The following SLC13A2 variants were observed in gnomAD, a reference collection of about 807,000 sequenced individuals.
The protein encoded by SLC13A2 is Na(+)-coupled citrate transporter.
In SLC13A2, 40 loss-of-function variants were observed where a neutral mutation model predicts 58.5. The ratio of observed to expected loss-of-function variants is 0.68; its 90% CI spans 0.53 to 0.89. The LOEUF (loss-of-function observed/expected upper bound fraction) is 0.89, where lower values mean the gene tolerates loss of function less well. Among genes scored for constraint, SLC13A2 ranks in the 40% least tolerant of loss-of-function variants. The pLI, the probability that SLC13A2 is intolerant of heterozygous loss-of-function variation, is 0.00. For synonymous variants in SLC13A2, 341 were observed against 331.6 expected, an observed-to-expected ratio of 1.03 and a Z score of -0.31; for missense variants, 694 against 772.6, an observed-to-expected ratio of 0.90 and a Z score of 1.21.
chr17:28,491,415 C>T, intron 4 of SLC13A2, 22 bp from the exon 5 acceptor site: 3 of 1,612,172 alleles, frequency 1.9e-6, no homozygotes, highest in Non-Finnish European at 2.5e-6. Flanking sequence ...CTGCCCCCAC[C>T]TGGGCTCTCC....
chr17:28,480,717 T>C (rs2068769237), intron 1 of SLC13A2, among the ~76,000 whole-genome samples: 1 of 152,172 alleles, frequency 6.6e-6, no homozygotes, highest in Non-Finnish European at 1.5e-5. Context: ...CTCTGCCTCT[T>C]ATCTGAATTC....
intron 1 of SLC13A2, among the ~76,000 whole-genome samples, chr17:28,481,974 T>C (rs2068793748): frequency 6.6e-6 from 1 of 152,050 alleles, no homozygotes; most frequent in African/African-American, 2.4e-5. Flanking sequence ...ATAGCTGTGT[T>C]TATTTATTTG....
rs1277325991 is a variant in SLC13A2 at position 28,496,008 on chromosome 17, A to T, written c.1470+192A>T. On this transcript the variant is annotated intron_variant, in intron 10 of 11. Coordinates refer to ENST00000314669, the MANE Select transcript of SLC13A2 (RefSeq NM_003984.4). The surrounding 1 kb of genome is among the most constrained non-coding windows in gnomAD (Gnocchi z 4.2). Reference sequence around the variant, plus strand: ...CCCAAGGCGCTTTGGCCCCTGACTCACCCCGTCCCTCATGATGTCACCCCT... The same window carrying T: ...CCCAAGGCGCTTTGGCCCCTGACTCTCCCCGTCCCTCATGATGTCACCCCT... Among the ~76,000 whole-genome samples, 1 of 151,398 alleles carries T rather than the reference A, an allele frequency of 6.6e-6. No homozygotes were observed. Among genetic ancestry groups the T allele is most frequent in the African/African-American group, 2.4e-5 (1 of 41,130 alleles).
chr17:28,494,211 G>T lies in SLC13A2; in HGVS notation c.1186+106G>T. 1.4e-6 allele frequency: 2 copies of T among 1,479,886 alleles called. No homozygotes were observed. Among genetic ancestry groups the T allele is most frequent in the Non-Finnish European group, 1.9e-6 (2 of 1,066,942 alleles). 91.7% of individuals were successfully genotyped at this position (1,479,886 alleles called of 1,614,324 possible). A position where few individuals can be genotyped will look rare whatever the true frequency, so the allele number is the denominator to read the frequency against. ...GGCAGGAGTAGGCAAAGCCCAGAAA[G>T]GCTGGAGCGACTTGCCAAGGGCACA... On this transcript the variant is annotated intron_variant, in intron 8 of 11. Coordinates refer to ENST00000314669, the MANE Select transcript of SLC13A2 (RefSeq NM_003984.4). The surrounding 1 kb of genome is among the most constrained non-coding windows in gnomAD (Gnocchi z 4.0).
At chr17:28,477,411 G>C (rs555763654) in intron 1 of SLC13A2, among the ~76,000 whole-genome samples, 4 of 151,670 alleles carry the variant, frequency 2.6e-5, no homozygotes, top group Non-Finnish European at 4.4e-5. Flanking sequence ...AGCCAGGATG[G>C]TCTTGATCTC....
intron 1 of SLC13A2, among the ~76,000 whole-genome samples, chr17:28,475,206 A>G (rs1391695741): frequency 6.6e-6 from 1 of 152,200 alleles, no homozygotes. Context: ...TAACTTGCCC[A>G]GGTCACACAG....
At chr17:28,488,224 A>G (rs1555602337) in intron 1 of SLC13A2, among the ~76,000 whole-genome samples, 1 of 152,160 alleles carries the variant, frequency 6.6e-6, no homozygotes. Flanking sequence ...GGGTACTAAG[A>G]GTGTGAGCTT....
intron 1 of SLC13A2, among the ~76,000 whole-genome samples, chr17:28,474,083 C>G (rs2068631192): frequency 6.6e-6 from 1 of 152,116 alleles, no homozygotes; most frequent in African/African-American, 2.4e-5. Flanking sequence ...GTTCCATCAA[C>G]AAGATGCAAG....
In SLC13A2 at chr17:28,494,660, A is replaced by C; in HGVS notation, c.1308+148A>C. 8.5e-7 allele frequency: 1 copy of C among 1,175,144 alleles called. No individual in the cohort carries two copies. The highest frequency in any genetic ancestry group is 1.5e-5 in the African/African-American group (1 of 64,826). The allele number at this position is 1,175,144 out of a possible 1,614,324, so 72.8% of individuals were successfully genotyped here. A position where few individuals can be genotyped will look rare whatever the true frequency, so the allele number is the denominator to read the frequency against. ...GGCAGAGCCTTTGCAGCAGCTGGGA[A>C]GACTTAGGTTAGAGCCCTCATGTGG... On this transcript the variant is annotated intron_variant, in intron 9 of 11. Coordinates refer to ENST00000314669, the MANE Select transcript of SLC13A2 (RefSeq NM_003984.4). This position sits in a 1 kb window ranked among gnomAD's most constrained non-coding sequence, Gnocchi z 4.0.
chr17:28,490,721 T>C lies in SLC13A2; in HGVS notation c.389T>C (p.Leu130Pro). Residue 130 changes from leucine to proline, a missense_variant, in exon 4 of 12, where the codon CTG becomes CCG. Physicochemically the swap from Leu to Pro is moderately conservative, Grantham distance 98 (BLOSUM62 -3). Coordinates refer to ENST00000314669, the MANE Select transcript of SLC13A2 (RefSeq NM_003984.4). ...RPAPLILGFM[L>P]VTAFLSMWIS... is the part of the protein sequence containing the mutation. Reference sequence around the variant, plus strand: ...CCTAGGCTAATCCTGGGCTTCATGCTGGTCACGGCCTTCCTGTCCATGTGG... The same window carrying C: ...CCTAGGCTAATCCTGGGCTTCATGCCGGTCACGGCCTTCCTGTCCATGTGG... 1 of 1,613,744 alleles carries C rather than the reference T, an allele frequency of 6.2e-7. No homozygotes were observed. The highest frequency in any genetic ancestry group is 8.5e-7 in the Non-Finnish European group (1 of 1,179,718).
chr17:28,483,679 T>C (rs1354192445), intron 1 of SLC13A2, among the ~76,000 whole-genome samples: 1 of 152,194 alleles, frequency 6.6e-6, no homozygotes, highest in African/African-American at 2.4e-5. Flanking sequence ...CCTACATTTG[T>C]TAGCTCTCTT....
intron 1 of SLC13A2, among the ~76,000 whole-genome samples, chr17:28,477,393 A>C (rs1170548615): frequency 2.0e-5 from 3 of 151,524 alleles, no homozygotes; most frequent in Non-Finnish European, 4.4e-5. Context: ...ACGGGGTTTC[A>C]CCGTGTTAGC....
intron 1 of SLC13A2, among the ~76,000 whole-genome samples, chr17:28,485,449 C>T (rs2068862069): frequency 6.6e-6 from 1 of 152,096 alleles, no homozygotes; most frequent in Non-Finnish European, 1.5e-5. Flanking sequence ...AAGGCTGATC[C>T]CCAAATCCCC....
intron 1 of SLC13A2, among the ~76,000 whole-genome samples, chr17:28,480,834 G>C (rs2068771727): frequency 1.3e-5 from 2 of 152,168 alleles, no homozygotes; most frequent in Non-Finnish European, 2.9e-5. Context: ...GGCCTCAGAT[G>C]TTCCCACCTA....
chr17:28,492,198 A>G (rs962864595), intron 6 of SLC13A2, among the ~76,000 whole-genome samples: 20 of 152,162 alleles, frequency 1.3e-4, no homozygotes, highest in African/African-American at 4.3e-4. Context: ...TTACAGAAGC[A>G]CCTGCTGTGT....
At chr17:28,474,478 C>T (rs2068638414) in intron 1 of SLC13A2, among the ~76,000 whole-genome samples, 1 of 152,056 alleles carries the variant, frequency 6.6e-6, no homozygotes, top group Admixed American at 6.6e-5. Context: ...TTAAATCAAG[C>T]CGCCAATGCC....
At position 28,490,500 on chromosome 17, in the gene SLC13A2, G is replaced by C. The variant is rs1293007819; in HGVS notation, c.278G>C (p.Gly93Ala). 1 of 1,613,990 alleles carries C rather than the reference G, an allele frequency of 6.2e-7. No individual in the cohort carries two copies. The change falls in exon 3 of 12, where the codon GGG becomes GCG. Residue 93 changes from glycine to alanine, a missense_variant. Gly to Ala is a moderately conservative substitution (Grantham distance 60). Transcript: ENST00000314669. ...GACTCCAACCTCCTGTTCTTCGGGG[G>C]GCTGCTGGTGGCCATCGCGGTGGAA... is the stretch of plus-strand genomic sequence containing the variant. ...LKDSNLLFFGGLLVAIAVEHW... is the reference protein window; with the variant it reads ...LKDSNLLFFGALLVAIAVEHW...
At position 28,491,548 on chromosome 17, in the gene SLC13A2, C is replaced by T; in HGVS notation, c.686C>T (p.Ala229Val). ...QCMSLCVCYS[A>V]SIGGIATLTG... is the part of the protein sequence containing the mutation. ...ATGAGCCTGTGCGTGTGCTACTCCG[C>T]CAGCATCGGGGGCATCGCCACGCTG... The change falls in exon 5 of 12, where the codon GCC (alanine) becomes GTC (valine). Residue 229 changes from alanine (A) to valine (V), a missense_variant. Transcript: ENST00000314669. 3.7e-6 allele frequency: 6 copies of T among 1,613,794 alleles called. No homozygotes were observed. The highest frequency in any genetic ancestry group is 5.1e-6 in the Non-Finnish European group (6 of 1,180,038).
At position 28,494,581 on chromosome 17, in the gene SLC13A2, T is replaced by A; in HGVS notation, c.1308+69T>A. 6.2e-7 allele frequency: 1 copy of A among 1,601,086 alleles called. No individual in the cohort carries two copies. Among genetic ancestry groups the A allele is most frequent in the Non-Finnish European group, 8.5e-7 (1 of 1,173,552 alleles). ...TCTGTGGCAGGGAGAGAGGGGGCCCTGCTTCTGTCCCACAGAGGGGAGACC... is the reference window on the plus strand; with the variant it reads ...TCTGTGGCAGGGAGAGAGGGGGCCCAGCTTCTGTCCCACAGAGGGGAGACC... On this transcript the variant is annotated intron_variant, in intron 9 of 11. Transcript: ENST00000314669. The surrounding 1 kb of genome is among the most constrained non-coding windows in gnomAD (Gnocchi z 4.0).
Sources: gnomAD v4.1 joint callset for allele counts (sites outside exome capture counted in the v4.1 genomes callset) on GRCh38, gnomAD v4.1.1 for gene constraint, Gnocchi (gnomAD v3.1) non-coding constraint, MANE v1.5 for transcripts, NCBI Gene and HGNC (gene_info 2026-07-23, HGNC 2026-07-21) for gene names.